The following MRTFA variants were observed in gnomAD, a reference collection of about 807,000 sequenced individuals.
MRTFA encodes myocardin related transcription factor A.
In MRTFA, 20 loss-of-function variants were observed where a neutral mutation model predicts 83.5. That is an observed-to-expected ratio of 0.24 (90% CI 0.17 to 0.35). MRTFA has a LOEUF of 0.35. Among genes scored for constraint, MRTFA ranks in the 10% least tolerant of loss-of-function variants. The pLI is 1.00. For missense variants in MRTFA, 1,200 were observed against 1,224.7 expected (o/e 0.98, Z 0.30); for synonymous variants, 659 against 541.2 (o/e 1.22, Z -3.02).
At chr22:40,525,789 T>C (rs749857453) in intron 3 of MRTFA, among the ~76,000 whole-genome samples, 25 of 152,130 alleles carry the variant, frequency 1.6e-4, no homozygotes, top group Non-Finnish European at 3.1e-4. Flanking sequence ...AAATCACCCA[T>C]TCAACAATTA....
Position 40,410,986 on chromosome 22 carries a change from G to C in MRTFA, c.*404C>G. ...CTCCCTTCACAGCAAAGCAGGGAGA[G>C]AAAGGAAGGAGATTCACCCCTTAAC... On this transcript the variant is annotated 3_prime_UTR_variant, in exon 15 of 15. Transcript: ENST00000355630. 1 of 240,654 alleles carries C rather than the reference G, an allele frequency of 4.2e-6. No homozygotes were observed. The highest frequency in any genetic ancestry group is 1.2e-3 in the Middle Eastern group (1 of 806). 14.9% of individuals were successfully genotyped at this position (240,654 alleles called of 1,614,324 possible).
At chr22:40,521,342 T>TA (rs1422219385) in intron 3 of MRTFA, among the ~76,000 whole-genome samples, 2 of 152,200 alleles carry the variant, frequency 1.3e-5, no homozygotes, top group African/African-American at 4.8e-5. Context: ...TCAAGAATGT[T>TA]ATATAAATAG....
chr22:40,555,767 G>A (rs1406206389), intron 2 of MRTFA, among the ~76,000 whole-genome samples: 2 of 151,518 alleles, frequency 1.3e-5, no homozygotes, highest in Non-Finnish European at 2.9e-5. Flanking sequence ...CTCCCGAGTA[G>A]CTGGGACTAC....
rs769757468 is a variant in MRTFA at position 40,419,296 on chromosome 22, T to C, written c.1442A>G (p.Gln481Arg). Residue 481 changes from glutamine to arginine, a missense_variant, in exon 12 of 15, where the codon CAA becomes CGA. Physicochemically the swap from Gln to Arg is conservative, Grantham distance 43. Transcript: ENST00000355630. ...TCCTGGCACAGGGCTGATTTGGTCT[T>C]GATAGGCTCGAAGGCGCTCAATCAG... The C allele has an allele frequency of 6.2e-7, 1 of 1,613,932 alleles. No individual in the cohort carries two copies. Among genetic ancestry groups the C allele is most frequent in the South Asian group, 1.1e-5 (1 of 91,068 alleles).
chr22:40,542,480 C>G (rs982019146), intron 3 of MRTFA, among the ~76,000 whole-genome samples: 15 of 152,114 alleles, frequency 9.9e-5, no homozygotes, highest in African/African-American at 3.4e-4. Flanking sequence ...ACAATAAGAA[C>G]TTTATCTGTC....
chr22:40,411,654 A>G lies in MRTFA; in HGVS notation c.2832T>C (p.His944=). The G allele has an allele frequency of 6.2e-7, 1 of 1,612,290 alleles. No homozygotes were observed. Among genetic ancestry groups the G allele is most frequent in the Non-Finnish European group, 8.5e-7 (1 of 1,179,200 alleles). Residue 944 remains histidine (H), a synonymous_variant, in exon 15 of 15, where the codon CAT becomes CAC. Coordinates refer to ENST00000355630, the MANE Select transcript of MRTFA (RefSeq NM_020831.6). ...TGGCAGTGCTGCTCAGCATCTGGCT[A>G]TGGAGGTCGTCAATGAGGGAAAGGG...
chr22:40,417,545 A>AG, intron 12 of MRTFA, 52 bp from the exon 13 acceptor site: 1 of 204,848 alleles, frequency 4.9e-6, no homozygotes, highest in Non-Finnish European at 8.3e-6. Flanking sequence ...GGGGGTGCAG[A>AG]CCTGCCTTGT....
At position 40,620,423 on chromosome 22, in the gene MRTFA, C is replaced by CTT. The variant is rs747409456; in HGVS notation, c.-84+16053_-84+16054dup. 4.9e-3 allele frequency among the ~76,000 whole-genome samples: 457 copies of CTT among 94,212 alleles called. 14 individuals are homozygous for CTT. Among genetic ancestry groups the CTT allele is most frequent in the Middle Eastern group, 0.039 (5 of 128 alleles). The allele number at this position is 94,212 out of a possible 152,430, so 61.8% of individuals were successfully genotyped here. On this transcript the variant is annotated intron_variant, in intron 1 of 14. Coordinates refer to ENST00000355630, the MANE Select transcript of MRTFA (RefSeq NM_020831.6). ...ACAGGCGTGAGCCACAACATGCAGT[C>CTT]TTTTTTTTTTTTTTTTTTTTTTGTA... is the stretch of plus-strand genomic sequence containing the variant.
chr22:40,587,354 G>C (rs1271602144), intron 2 of MRTFA: 1 of 413,412 alleles, frequency 2.4e-6, no homozygotes, highest in Non-Finnish European at 4.7e-6. Context: ...GTTTCGGAAG[G>C]CTTTGACAAT....
chr22:40,470,278 T>TATATAA (rs2053885747), intron 3 of MRTFA, among the ~76,000 whole-genome samples: 1 of 104,184 alleles, frequency 9.6e-6, no homozygotes, highest in Non-Finnish European at 2.0e-5. Flanking sequence ...TATATATATA[T>TATATAA]ATAAAGAAAC....
chr22:40,473,407 C>A (rs886972796), intron 3 of MRTFA, among the ~76,000 whole-genome samples: 1 of 152,208 alleles, frequency 6.6e-6, no homozygotes, highest in Non-Finnish European at 1.5e-5. Context: ...AATCCTCCCA[C>A]TTCGGCCTCC....
chr22:40,564,367 T>C (rs977958597), intron 2 of MRTFA, among the ~76,000 whole-genome samples: 2 of 151,944 alleles, frequency 1.3e-5, no homozygotes, highest in Admixed American at 6.5e-5. Context: ...ATTACAAGAA[T>C]AGGAAGAGAA....
Position 40,451,270 on chromosome 22 carries a change from G to C in MRTFA, c.307+11951C>G, listed in dbSNP as rs17001918. Among the ~76,000 whole-genome samples, 409 of 152,254 alleles carry C rather than the reference G, an allele frequency of 2.7e-3. 17 individuals carry two copies. The East Asian group carries it at 0.071, about 27-fold the overall frequency. On this transcript the variant is annotated intron_variant, in intron 4 of 14. Coordinates refer to ENST00000355630, the MANE Select transcript of MRTFA (RefSeq NM_020831.6). ...TCAACCAAAGAGTTGTCAACAGTTC[G>C]AGAGACTGACCATGATAAATGAGCA... is the stretch of plus-strand genomic sequence containing the variant.
chr22:40,454,777 G>T (rs1002665485), intron 4 of MRTFA, among the ~76,000 whole-genome samples: 1 of 152,072 alleles, frequency 6.6e-6, no homozygotes, highest in African/African-American at 2.4e-5. Context: ...TCTTTTGTTC[G>T]TATGCATGTA....
intron 1 of MRTFA, among the ~76,000 whole-genome samples, chr22:40,615,950 G>C (rs1027415033): frequency 1.3e-5 from 2 of 152,066 alleles, no homozygotes; most frequent in Non-Finnish European, 2.9e-5. Flanking sequence ...CTCCCAAAGT[G>C]CTGGGATTAC....
rs556051473 is a variant in MRTFA, at chr22:40,509,982, T to TAAAAAAAA, written c.241+42116_241+42123dup. ...ATCAAGAAACAGCAGCCAAGTACTT[T>TAAAAAAAA]AAAAAAAAAAAAAAAGTGAAGTTAA... On this transcript the variant is annotated intron_variant, in intron 3 of 14. Coordinates refer to ENST00000355630, the MANE Select transcript of MRTFA (RefSeq NM_020831.6). Among the ~76,000 whole-genome samples, 68 of 108,110 alleles carry TAAAAAAAA rather than the reference T, an allele frequency of 6.3e-4. 3 individuals are homozygous for TAAAAAAAA. The highest frequency in any genetic ancestry group is 1.7e-3 in the African/African-American group (47 of 27,558). The allele number at this position is 108,110 out of a possible 152,430, so 70.9% of individuals were successfully genotyped here.
At chr22:40,447,311 C>A (rs796448102) in intron 4 of MRTFA, among the ~76,000 whole-genome samples, 1 of 151,312 alleles carries the variant, frequency 6.6e-6, no homozygotes, top group Admixed American at 6.6e-5. Context: ...TAAGACTGAG[C>A]CACTGCTCTC....
intron 2 of MRTFA, chr22:40,587,769 T>C: frequency 3.0e-6 from 1 of 334,794 alleles, no homozygotes; most frequent in South Asian, 4.0e-5. Context: ...CCTCAAACTC[T>C]GGGAATTTGA....
chr22:40,528,154 G>A (rs2055011327), intron 3 of MRTFA, among the ~76,000 whole-genome samples: 1 of 152,148 alleles, frequency 6.6e-6, no homozygotes. Context: ...GCCCACTGGA[G>A]AATTATGAGG....
Sources: allele counts gnomAD v4.1 joint callset (sites outside exome capture counted in the v4.1 genomes callset), GRCh38; gene constraint gnomAD v4.1.1; transcripts MANE v1.5; gene names NCBI Gene and HGNC (gene_info 2026-07-23, HGNC 2026-07-21).